Variants in PCDHA7 observed in about 807,000 individuals in gnomAD.
PCDHA7 encodes protocadherin alpha 7, also known as protocadherin alpha-7.
PCDHA7 carries 37 observed loss-of-function variants against 57.2 expected under a neutral mutation model. That is an observed-to-expected ratio of 0.65 (90% CI 0.50 to 0.85). The LOEUF (loss-of-function observed/expected upper bound fraction) is 0.85. PCDHA7 is among the 40% of genes least tolerant of loss of function. The pLI, the probability that PCDHA7 is intolerant of heterozygous loss-of-function variation, is 0.00. For synonymous variants in PCDHA7, 553 were observed against 558.8 expected, an observed-to-expected ratio of 0.99 and a Z score of 0.15; for missense variants, 1,188 against 1,241.8, an observed-to-expected ratio of 0.96 and a Z score of 0.65.
At position 140,966,633 on chromosome 5, in the gene PCDHA7, C is replaced by T. The variant is rs2096029445; in HGVS notation, c.2356-12316C>T. ...GGCCTACGGAGGGAGCGGCCCCAGG[C>T]GCTTTCTAGAGCGTGAGCGGTGGGG... On this transcript the variant is annotated intron_variant, in intron 1 of 3. Transcript: ENST00000525929. 9 of 1,005,684 alleles carry T rather than the reference C, an allele frequency of 8.9e-6. No homozygotes were observed. In the South Asian group the frequency reaches 1.6e-4, roughly 18 times the overall value. 62.3% of individuals were successfully genotyped at this position (1,005,684 alleles called of 1,614,324 possible).
chr5:140,877,527 C>A (rs1554169810), intron 1 of PCDHA7: 1 of 1,613,642 alleles, frequency 6.2e-7, no homozygotes, highest in East Asian at 2.2e-5. Flanking sequence ...CCTCAGTGGG[C>A]GCTGTGGATC....
intron 1 of PCDHA7, among the ~76,000 whole-genome samples, chr5:140,976,093 A>G (rs782314077): frequency 6.6e-6 from 1 of 152,238 alleles, no homozygotes; most frequent in African/African-American, 2.4e-5. Context: ...TCAGTAGTCA[A>G]CTTTTCAACT....
rs370111655 is a variant in PCDHA7, at chr5:140,902,185, TTCTC to T, written c.2355+65459_2355+65462del. Reference sequence around the variant, plus strand: ...TTCTAATTTGGATGTCCTTTATGTCTTCTCTCTCTCTCTCTTTCTTTTTTTTTTT... The same window carrying T: ...TTCTAATTTGGATGTCCTTTATGTCTTCTCTCTCTCTTTCTTTTTTTTTTT... On this transcript the variant is annotated intron_variant, in intron 1 of 3. Coordinates refer to ENST00000525929, the MANE Select transcript of PCDHA7 (RefSeq NM_018910.3). Among the ~76,000 whole-genome samples, 704 of 150,894 alleles carry T rather than the reference TTCTC, an allele frequency of 4.7e-3. 6 individuals carry two copies. Among genetic ancestry groups the T allele is most frequent in the African/African-American group, 0.015 (608 of 41,076 alleles).
intron 1 of PCDHA7, among the ~76,000 whole-genome samples, chr5:140,886,029 T>C (rs1464446627): frequency 1.3e-5 from 2 of 152,180 alleles, no homozygotes; most frequent in Non-Finnish European, 2.9e-5. Context: ...TATTCTTCAC[T>C]AAGTTTTCCC....
At chr5:140,928,466 T>C in intron 1 of PCDHA7, 13 of 1,614,140 alleles carry the variant, frequency 8.1e-6, no homozygotes, top group Non-Finnish European at 1.1e-5. Context: ...CATTTCCAAG[T>C]AGAAGGCCGG....
chr5:140,847,915 T>C (rs1166954389), intron 1 of PCDHA7: 1 of 150,482 alleles, frequency 6.6e-6, no homozygotes, highest in Non-Finnish European at 1.5e-5. Flanking sequence ...TGGGCTCCTA[T>C]ATTCACTAGA....
At chr5:140,911,592 A>G (rs1255304289) in intron 1 of PCDHA7, among the ~76,000 whole-genome samples, 1 of 152,212 alleles carries the variant, frequency 6.6e-6, no homozygotes, top group Non-Finnish European at 1.5e-5. Flanking sequence ...GGAGGAACCA[A>G]CCAACTTCAT....
chr5:140,859,571 G>C (rs2045916086), intron 1 of PCDHA7: 1 of 174,150 alleles, frequency 5.7e-6, no homozygotes, highest in Non-Finnish European at 1.2e-5. Context: ...CCATGAATTT[G>C]TCATCTTGCC....
At chr5:140,854,190 A>G (rs2043033379) in intron 1 of PCDHA7, 1 of 648,948 alleles carries the variant, frequency 1.5e-6, no homozygotes, top group Non-Finnish European at 1.9e-6. Context: ...TAGTTTAACT[A>G]CTCCCTACTT....
chr5:140,929,307 C>A, intron 1 of PCDHA7: 1 of 1,570,164 alleles, frequency 6.4e-7, no homozygotes, highest in Non-Finnish European at 8.7e-7. Flanking sequence ...AAGGGGATCA[C>A]GCTAATGTCA....
Position 140,835,426 on chromosome 5 carries a change from C to A in PCDHA7, c.1043C>A (p.Pro348Gln), listed in dbSNP as rs1773631354. Residue 348 changes from proline to glutamine, a missense_variant, in exon 1 of 4, where the codon CCA becomes CAA. Around this residue, in one of 3 missense-constraint regions of PCDHA7, gnomAD observed 102 missense variants for 267.4 expected, o/e 0.38. Transcript: ENST00000525929. ...GTTGTGGATGTAAATGACAATGCTC[C>A]ACAGTTGACTCTCACTTCCCTGTCT... The part of the protein sequence containing the change: ...VEVVDVNDNA[P>Q]QLTLTSLSLP... 7 of 1,613,914 alleles carry A rather than the reference C, an allele frequency of 4.3e-6. No individual in the cohort carries two copies. In the East Asian group the frequency reaches 1.6e-4, roughly 36 times the overall value.
At chr5:140,935,721 A>G (rs2090523952) in intron 1 of PCDHA7, among the ~76,000 whole-genome samples, 1 of 152,196 alleles carries the variant, frequency 6.6e-6, no homozygotes, top group African/African-American at 2.4e-5. Context: ...ATATATTTAG[A>G]GAAGTCTAGT....
At chr5:140,868,478 A>G (rs2050491329) in intron 1 of PCDHA7, 2 of 152,364 alleles carry the variant, frequency 1.3e-5, no homozygotes, top group African/African-American at 2.4e-5. Flanking sequence ...TAAAACTTCA[A>G]TTTTTTCTTT....
rs140143048 is a variant in PCDHA7, at chr5:140,842,939, G to A, written c.2355+6201G>A. Reference sequence around the variant, plus strand: ...GCAGTTCCAGGTGAGCGCGCGCGACGCGGGCGTGCCGCCTCTGGGCAGCAA... The same window carrying A: ...GCAGTTCCAGGTGAGCGCGCGCGACACGGGCGTGCCGCCTCTGGGCAGCAA... On this transcript the variant is annotated intron_variant, in intron 1 of 3. Transcript: ENST00000525929. 5.6e-6 allele frequency: 9 copies of A among 1,594,456 alleles called. No individual in the cohort carries two copies. In the African/African-American group the frequency reaches 1.2e-4, roughly 21 times the overall value.
chr5:140,863,268 G>T (rs781869652), intron 1 of PCDHA7: 5 of 1,459,234 alleles, frequency 3.4e-6, no homozygotes, highest in African/African-American at 1.4e-5. Flanking sequence ...GGGAGGCAGC[G>T]CTGGTGGATG....
At chr5:140,934,245 T>C (rs2089728870) in intron 1 of PCDHA7, among the ~76,000 whole-genome samples, 1 of 152,158 alleles carries the variant, frequency 6.6e-6, no homozygotes, top group Non-Finnish European at 1.5e-5. Context: ...ATTGTGGAGA[T>C]TTATCAAAAT....
chr5:140,886,492 C>A (rs2060999452), intron 1 of PCDHA7, among the ~76,000 whole-genome samples: 1 of 152,036 alleles, frequency 6.6e-6, no homozygotes, highest in Non-Finnish European at 1.5e-5. Flanking sequence ...TAAAATATAT[C>A]TTTTTCCTTT....
chr5:140,884,057 G>C lies in PCDHA7; in HGVS notation c.2355+47319G>C, dbSNP rs141156800. On this transcript the variant is annotated intron_variant, in intron 1 of 3. Transcript: ENST00000525929. ...CCACGTGGTGGCGAAGGTGCGCGCG[G>C]TGGACGCCGATTCGGGCTACAATGC... 6.2e-6 allele frequency: 10 copies of C among 1,613,422 alleles called. No homozygotes were observed. In the African/African-American group the frequency reaches 1.3e-4, roughly 22 times the overall value.
rs369720251 is a variant in PCDHA7 at position 140,883,769 on chromosome 5, G to A, written c.2355+47031G>A. 9.3e-6 allele frequency: 15 copies of A among 1,612,378 alleles called. No homozygotes were observed. The South Asian group carries it at 1.2e-4, about 13-fold the overall frequency. On this transcript the variant is annotated intron_variant, in intron 1 of 3. Transcript: ENST00000525929. ...CTCGCTGGTGGAGCGGCGGGTGGGC[G>A]AGCGTGCGCTGTCGAGCTACGTGTC...
Sources: gnomAD v4.1 joint callset for allele counts (sites outside exome capture counted in the v4.1 genomes callset) on GRCh38, gnomAD v4.1.1 for gene constraint, gnomAD v4.1.1 regional missense constraint, MANE v1.5 for transcripts, NCBI Gene and HGNC (gene_info 2026-07-23, HGNC 2026-07-21) for gene names.